The following RECQL4 variants were observed in gnomAD, a reference collection of about 807,000 sequenced individuals.
The protein encoded by RECQL4 is RecQ like helicase 4, also known as ATP-dependent DNA helicase Q4.
In RECQL4, 158 loss-of-function variants were observed where a neutral mutation model predicts 128.6. The observed-to-expected ratio is 1.23, with a 90% CI of 1.08 to 1.40. The LOEUF (loss-of-function observed/expected upper bound fraction) is 1.40, where lower values mean the gene tolerates loss of function less well. Ranked by LOEUF, RECQL4 falls within the 40% of genes most tolerant of loss-of-function variation. The pLI is 0.00. For synonymous variants in RECQL4, 996 were observed against 678.9 expected (o/e 1.47, Z -7.26); for missense variants, 2,293 against 1,649.8 (o/e 1.39, Z -6.75).
intron 3 of RECQL4, 41 bp downstream of exon 3, chr8:144,517,373 C>G (rs762323566): frequency 6.6e-7 from 1 of 1,526,422 alleles, no homozygotes; most frequent in Non-Finnish European, 8.8e-7. Context: ...CTCCGCCAAA[C>G]AGGGAAGTGG....
chr8:144,514,320 C>T lies in RECQL4; in HGVS notation c.1747G>A (p.Ala583Thr). 6.2e-7 allele frequency: 1 copy of T among 1,608,644 alleles called. No homozygotes were observed. Among genetic ancestry groups the T allele is most frequent in the Non-Finnish European group, 8.5e-7 (1 of 1,177,554 alleles). The change falls in exon 11 of 21, where the codon GCA becomes ACA. Residue 583 changes from alanine (A) to threonine (T), a missense_variant. Ala to Thr is a moderately conservative substitution (Grantham distance 58, BLOSUM62 0). Coordinates refer to ENST00000617875, the MANE Select transcript of RECQL4 (RefSeq NM_004260.4). ...GGGAGGCCTCCCGCCCCCACCAGTG[C>T]CTCAGGTGTCAGCATCAGCACGTGT... is the stretch of plus-strand genomic sequence containing the variant. Reference protein sequence around the residue: ...QVHVLMLTPEALVGAGGLPPA... With the variant: ...QVHVLMLTPETLVGAGGLPPA...
chr8:144,511,661 T>G lies in RECQL4; in HGVS notation c.3502+20A>C, dbSNP rs1564787161. On this transcript the variant is annotated intron_variant, in intron 20 of 20. Coordinates refer to ENST00000617875, the MANE Select transcript of RECQL4 (RefSeq NM_004260.4). ...GCCCCCAGCCCCAGCCTGCAGCGGG[T>G]GGGGCCTCCCAGGCCTCACCGATGC... The G allele has an allele frequency of 6.2e-6, 10 of 1,610,632 alleles. No homozygotes were observed. In the Admixed American group the frequency reaches 6.7e-5, roughly 11 times the overall value.
chr8:144,517,525 G>T lies in RECQL4; in HGVS notation c.119-17C>A, dbSNP rs762801950. 6 of 1,575,396 alleles carry T rather than the reference G, an allele frequency of 3.8e-6. No individual in the cohort carries two copies. Among genetic ancestry groups the T allele is most frequent in the Non-Finnish European group, 5.1e-6 (6 of 1,167,630 alleles). On this transcript the variant is annotated splice_polypyrimidine_tract_variant and intron_variant, in intron 2 of 20. Transcript: ENST00000617875. ...GGTAGAGCGCTGCGTGGGCGAGCGG[G>T]AGGCGGGGTCAGGGTGGGGCCTGGG...
rs762567822 is a variant in RECQL4, at chr8:144,515,969, T to C, written c.1131+19A>G. 4 of 1,610,932 alleles carry C rather than the reference T, an allele frequency of 2.5e-6. No homozygotes were observed. In the African/African-American group the frequency reaches 5.3e-5, roughly 22 times the overall value. ...GGGGAGGGAAAGGGAATGCCTGTCCTGGCCCGTCGCTGTCTTACCTGCTTG... is the reference window on the plus strand; with the variant it reads ...GGGGAGGGAAAGGGAATGCCTGTCCCGGCCCGTCGCTGTCTTACCTGCTTG... On this transcript the variant is annotated intron_variant, in intron 5 of 20. Coordinates refer to ENST00000617875, the MANE Select transcript of RECQL4 (RefSeq NM_004260.4).
At position 144,512,377 on chromosome 8, in the gene RECQL4, T is replaced by TGGG. The variant is rs1165699519; in HGVS notation, c.3055+12_3055+14dup. The TGGG allele has an allele frequency of 6.2e-7, 1 of 1,607,644 alleles. No individual in the cohort carries two copies. Among genetic ancestry groups the TGGG allele is most frequent in the Non-Finnish European group, 8.5e-7 (1 of 1,176,572 alleles). The stretch of plus-strand genomic sequence containing the variant: ...AGGCAGCGTCCAGGGCGGTGTGGGG[T>TGGG]GGGGAGAGGCGCACCTGTCCTGGGC... On this transcript the variant is annotated intron_variant, in intron 17 of 20. Coordinates refer to ENST00000617875, the MANE Select transcript of RECQL4 (RefSeq NM_004260.4).
Position 144,512,149 on chromosome 8 carries a change from A to T in RECQL4, c.3231T>A (p.Phe1077Leu), listed in dbSNP as rs745453660. 6.5e-5 allele frequency: 105 copies of T among 1,607,174 alleles called. No individual in the cohort carries two copies. Among genetic ancestry groups the T allele is most frequent in the Non-Finnish European group, 8.5e-5 (100 of 1,176,850 alleles). The change falls in exon 18 of 21, where the codon TTT becomes TTA. Residue 1077 changes from phenylalanine to leucine, a missense_variant. Coordinates refer to ENST00000617875, the MANE Select transcript of RECQL4 (RefSeq NM_004260.4). ...CCCGCCCGCCTCCTCCCAACCTGTG[A>T]AAGGCCTGGAAGGTTCTGCGCAGAC... ...LARLRRTFQA[F>L]HSVAFPSCGP... is the part of the protein sequence containing the mutation.
chr8:144,516,384 G>A lies in RECQL4; in HGVS notation c.735C>T (p.Val245=), dbSNP rs373764166. 8.7e-6 allele frequency: 14 copies of A among 1,609,708 alleles called. No homozygotes were observed. The African/African-American group carries it at 1.5e-4, about 17-fold the overall frequency. Residue 245 remains valine, a synonymous_variant, in exon 5 of 21, where the codon GTC becomes GTT. Transcript: ENST00000617875. The stretch of plus-strand genomic sequence containing the variant: ...GCTGGGGGCTCCCCACACGGATGCT[G>A]ACTTCTTGGAAGGCTGAAGCCTCTG... The part of the protein sequence containing the change: ...QGPEASAFQE[V]SIRVGSPQPS...
At position 144,511,867 on chromosome 8, in the gene RECQL4, G is replaced by T. The variant is rs368573846; in HGVS notation, c.3393+44C>A. 5 of 1,610,186 alleles carry T rather than the reference G, an allele frequency of 3.1e-6. No homozygotes were observed. The African/African-American group carries it at 5.3e-5, about 17-fold the overall frequency. On this transcript the variant is annotated intron_variant, in intron 19 of 20. Coordinates refer to ENST00000617875, the MANE Select transcript of RECQL4 (RefSeq NM_004260.4). ...ACAGAGCAAGCCCCATGCAGCCCAGGGAACCTGCAACCCCGATGAGCTGCC... is the reference window on the plus strand; with the variant it reads ...ACAGAGCAAGCCCCATGCAGCCCAGTGAACCTGCAACCCCGATGAGCTGCC...
In RECQL4 at chr8:144,511,512, G is replaced by A. The variant is rs2130648722; in HGVS notation, c.3546C>T (p.Arg1182=). ...YPAQVYGQDR[R]FWRKYLHLSF... is the part of the protein sequence containing the mutation. ...TCAGGTGCAGGTATTTTCTCCAGAA[G>A]CGTCGGTCCTGCCCGTACACCTGGG... Residue 1182 remains arginine (R), a synonymous_variant, in exon 21 of 21, where the codon CGC becomes CGT. Transcript: ENST00000617875. 3 of 1,612,576 alleles carry A rather than the reference G, an allele frequency of 1.9e-6. No individual in the cohort carries two copies. Among genetic ancestry groups the A allele is most frequent in the Non-Finnish European group, 2.5e-6 (3 of 1,179,800 alleles).
intron 3 of RECQL4, 64 bp downstream of exon 3, chr8:144,517,350 G>C: frequency 3.3e-6 from 5 of 1,494,984 alleles, no homozygotes; most frequent in Non-Finnish European, 4.5e-6. Context: ...CCGCGACTCC[G>C]TGGCTCCCGC....
rs1296633763 is a variant in RECQL4 at position 144,517,714 on chromosome 8, C to T, written c.71G>A (p.Arg24Gln). The T allele has an allele frequency of 6.6e-6, 9 of 1,362,748 alleles. No homozygotes were observed. The highest frequency in any genetic ancestry group is 8.5e-6 in the Non-Finnish European group (9 of 1,057,552). The allele number at this position is 1,362,748 out of a possible 1,614,324, so 84.4% of individuals were successfully genotyped here. ...WERAFRRQRG[R>Q]RPSQDDVEAA... is the part of the protein sequence containing the mutation. ...GGCAGCCCGCACCTGGCTCGGTCGC[C>T]GCCCGCGCTGCCGTCGGAACGCGCG... The change falls in exon 1 of 21, where the codon CGG becomes CAG. Residue 24 changes from arginine (R) to glutamine (Q), a missense_variant. Transcript: ENST00000617875.
Position 144,512,291 on chromosome 8 carries a change from A to G in RECQL4, c.3089T>C (p.Phe1030Ser), listed in dbSNP as rs376504280. 6 of 1,612,356 alleles carry G rather than the reference A, an allele frequency of 3.7e-6. No individual in the cohort carries two copies. The highest frequency in any genetic ancestry group is 5.1e-6 in the Non-Finnish European group (6 of 1,179,792). ...VRRGTGVLVE[F>S]SELAFHLRSP... Reference sequence around the variant, plus strand: ...GCGAAGGTGGAAGGCCAGCTCACTGAACTCCACAAGCACCCCTGTCCCACG... The same window carrying G: ...GCGAAGGTGGAAGGCCAGCTCACTGGACTCCACAAGCACCCCTGTCCCACG... Residue 1030 changes from phenylalanine (F) to serine (S), a missense_variant, in exon 18 of 21, where the codon TTC (phenylalanine) becomes TCC (serine). Coordinates refer to ENST00000617875, the MANE Select transcript of RECQL4 (RefSeq NM_004260.4).
At chr8:144,513,769 G>A (rs1827713843) in intron 12 of RECQL4, 57 bp from the exon 13 acceptor site, 6 of 1,421,418 alleles carry the variant, frequency 4.2e-6, no homozygotes, top group Non-Finnish European at 5.6e-6. Flanking sequence ...GGCGTGTGCA[G>A]TGGGGAGTGA....
At position 144,517,825 on chromosome 8, in the gene RECQL4, A is replaced by G. The variant is rs1564813478; in HGVS notation, c.-41T>C. ...CCGGCCTCCGCGCTTGCGATCGTCC[A>G]GCGAATCTCCCGCGCAGCCGTCGCG... On this transcript the variant is annotated 5_prime_UTR_variant, in exon 1 of 21. Transcript: ENST00000617875. The G allele has an allele frequency of 4.2e-6, 5 of 1,183,130 alleles. No individual in the cohort carries two copies. Among genetic ancestry groups the G allele is most frequent in the South Asian group, 3.7e-5 (1 of 26,980 alleles). 73.3% of individuals were successfully genotyped at this position (1,183,130 alleles called of 1,614,324 possible).
rs372648595 is a variant in RECQL4 at position 144,517,138 on chromosome 8, C to G, written c.266G>C (p.Ser89Thr). ...GPHLNRAATKSPQSTPGRSRQ... is the reference protein window; with the variant it reads ...GPHLNRAATKTPQSTPGRSRQ... Reference sequence around the variant, plus strand: ...GCTCCGCCCTGGCGTAGACTGTGGACTCTTGGTCGCAGCCCGATTCAGATG... The same window carrying G: ...GCTCCGCCCTGGCGTAGACTGTGGAGTCTTGGTCGCAGCCCGATTCAGATG... The change falls in exon 4 of 21, where the codon AGT becomes ACT. Residue 89 changes from serine to threonine, a missense_variant. Ser to Thr is a moderately conservative substitution (Grantham distance 58). Coordinates refer to ENST00000617875, the MANE Select transcript of RECQL4 (RefSeq NM_004260.4). 7.4e-6 allele frequency: 12 copies of G among 1,611,562 alleles called. No homozygotes were observed. The South Asian group carries it at 1.2e-4, about 16-fold the overall frequency.
rs1291935962 is a variant in RECQL4 at position 144,514,146 on chromosome 8, C to G, written c.1879-39G>C. On this transcript the variant is annotated intron_variant, in intron 11 of 20. Transcript: ENST00000617875. Reference sequence around the variant, plus strand: ...GGCAGTGGTGTGAGGCCGCCCAGCCCATCCCGGCCCTGGCCGCCCACCCCA... The same window carrying G: ...GGCAGTGGTGTGAGGCCGCCCAGCCGATCCCGGCCCTGGCCGCCCACCCCA... The G allele has an allele frequency of 1.9e-6, 3 of 1,610,860 alleles. No homozygotes were observed. In the East Asian group the frequency reaches 6.7e-5, roughly 36 times the overall value.
chr8:144,515,637 G>A (rs1409357368), intron 6 of RECQL4, 127 bp downstream of exon 6: 10 of 1,450,746 alleles, frequency 6.9e-6, no homozygotes, highest in Non-Finnish European at 8.4e-6. Flanking sequence ...CTTCAGGGGA[G>A]CTAGGGTAGG....
In RECQL4 at chr8:144,516,162, G is replaced by T. The variant is rs984872657; in HGVS notation, c.957C>A (p.Tyr319Ter). The change falls in exon 5 of 21, where the codon TAC becomes TAA. Residue 319 changes from tyrosine (Y) to a stop codon, truncating the protein, a stop_gained. Transcript: ENST00000617875. LOFTEE classifies it high-confidence loss of function. ...CTTGACTGGAGGGGCTGAGTCCGTG[G>T]TACCTGGGGTTCGATGGGCTGCTGC... is the stretch of plus-strand genomic sequence containing the variant. Reference protein sequence around the residue: ...QPCSSPSNPRYHGLSPSSQAR... With the variant: ...QPCSSPSNPR 1 of 1,613,440 alleles carries T rather than the reference G, an allele frequency of 6.2e-7. No homozygotes were observed. Among genetic ancestry groups the T allele is most frequent in the Admixed American group, 1.7e-5 (1 of 60,028 alleles).
At position 144,515,988 on chromosome 8, in the gene RECQL4, C is replaced by T. The variant is rs911864123; in HGVS notation, c.1131G>A (p.Gln377=). 1 of 1,609,698 alleles carries T rather than the reference C, an allele frequency of 6.2e-7. No individual in the cohort carries two copies. Among genetic ancestry groups the T allele is most frequent in the Non-Finnish European group, 8.5e-7 (1 of 1,177,376 alleles). Residue 377 remains glutamine, a splice_region_variant and synonymous_variant, in exon 5 of 21, where the codon CAG becomes CAA. Coordinates refer to ENST00000617875, the MANE Select transcript of RECQL4 (RefSeq NM_004260.4). ...RALRSRLLRK[Q]AWKQKWRKKG... is the part of the protein sequence containing the mutation. Reference sequence around the variant, plus strand: ...CTGTCCTGGCCCGTCGCTGTCTTACCTGCTTGCGGAGGAGCCTGCTACGGA... The same window carrying T: ...CTGTCCTGGCCCGTCGCTGTCTTACTTGCTTGCGGAGGAGCCTGCTACGGA...
Sources: gnomAD v4.1 joint callset for allele counts on GRCh38, gnomAD v4.1.1 for gene constraint, MANE v1.5 for transcripts, NCBI Gene and HGNC (gene_info 2026-07-23, HGNC 2026-07-21) for gene names.